CADM2: variants seen among roughly 807,000 people sequenced by gnomAD.
CADM2 encodes the protein immunoglobulin superfamily member 4D.
In CADM2, 12 loss-of-function variants were observed where a neutral mutation model predicts 49.8. The observed-to-expected ratio is 0.24, with a 90% confidence interval of 0.15 to 0.39. The LOEUF (loss-of-function observed/expected upper bound fraction) is 0.39. CADM2 is among the 10% of genes least tolerant of loss of function. The pLI is 1.00. For missense variants in CADM2, 378 were observed against 492.3 expected (o/e 0.77, Z 2.20); for synonymous variants, 214 against 175.4 (o/e 1.22, Z -1.74).
At position 86,066,332 on chromosome 3, in the gene CADM2, CAAAAAAA is replaced by C. The variant is rs10663610; in HGVS notation, c.1097-313_1097-307del. ...TGGGCGAGAGAGCGAGACTCCGTCT[CAAAAAAA>C]AAAAAAAAAAAAAAAAAAAGATCTT... On this transcript the variant is annotated intron_variant, in intron 9 of 9. Transcript: ENST00000383699. Among the ~76,000 whole-genome samples the C allele has an allele frequency of 2.5e-3, 75 of 30,358 alleles. 2 individuals are homozygous for C. Among genetic ancestry groups the C allele is most frequent in the African/African-American group, 0.015 (68 of 4,674 alleles). The allele number at this position is 30,358 out of a possible 152,430, so 19.9% of individuals were successfully genotyped here.
intron 7 of CADM2, among the ~76,000 whole-genome samples, chr3:85,940,603 G>T (rs1721772983): frequency 6.6e-6 from 1 of 152,030 alleles, no homozygotes; most frequent in Non-Finnish European, 1.5e-5. Context: ...TATAGCAGTT[G>T]TTATTACAGA....
At chr3:85,278,686 C>T (rs62250655) in intron 1 of CADM2, among the ~76,000 whole-genome samples, 2,204 of 147,936 alleles carry the variant, frequency 0.015, 28 homozygotes, top group Middle Eastern at 0.038. Context: ...TTTTCAGAGA[C>T]GGTGTATGAA....
chr3:86,033,482 G>A (rs1194040446), intron 8 of CADM2, among the ~76,000 whole-genome samples: 1 of 151,574 alleles, frequency 6.6e-6, no homozygotes, highest in Non-Finnish European at 1.5e-5. Context: ...TGTACAGTAG[G>A]TGGGTATGCA....
chr3:85,506,863 A>C (rs1303754856), intron 1 of CADM2, among the ~76,000 whole-genome samples: 1 of 152,230 alleles, frequency 6.6e-6, no homozygotes, highest in Non-Finnish European at 1.5e-5. Flanking sequence ...TTATCATTAT[A>C]GAATTAACTA....
intron 1 of CADM2, among the ~76,000 whole-genome samples, chr3:85,262,128 C>A (rs1243359848): frequency 6.6e-6 from 1 of 152,024 alleles, no homozygotes; most frequent in African/African-American, 2.4e-5. Flanking sequence ...CCTAAGGATG[C>A]ATTTGCTTTT....
At chr3:85,853,301 AAAC>A (rs923494623) in intron 3 of CADM2, among the ~76,000 whole-genome samples, 3 of 151,722 alleles carry the variant, frequency 2.0e-5, no homozygotes, top group East Asian at 2.0e-4. Context: ...GAAGCAACAA[AAAC>A]AACAACAACA....
chr3:85,270,900 A>G (rs1017323174), intron 1 of CADM2, among the ~76,000 whole-genome samples: 6 of 151,456 alleles, frequency 4.0e-5, no homozygotes, highest in African/African-American at 1.2e-4. Flanking sequence ...TATTTCTTCA[A>G]TGAGTATAAA....
chr3:85,449,565 T>A (rs1322702933), intron 1 of CADM2, among the ~76,000 whole-genome samples: 1 of 151,848 alleles, frequency 6.6e-6, no homozygotes, highest in Non-Finnish European at 1.5e-5. Flanking sequence ...TAAGGTTTTT[T>A]TTTTTCTGAG....
At chr3:85,042,736 T>C (rs2035491377) in intron 1 of CADM2, among the ~76,000 whole-genome samples, 1 of 152,120 alleles carries the variant, frequency 6.6e-6, no homozygotes, top group Non-Finnish European at 1.5e-5. Flanking sequence ...CAGTCTCAGG[T>C]CTCTTCCAAA....
chr3:85,381,868 G>T (rs1416120949), intron 1 of CADM2, among the ~76,000 whole-genome samples: 2 of 151,914 alleles, frequency 1.3e-5, no homozygotes, highest in Non-Finnish European at 2.9e-5. Context: ...TTGCTATAGA[G>T]TGCAGGACAC....
chr3:85,206,972 C>A (rs1013260744), intron 1 of CADM2, among the ~76,000 whole-genome samples: 1 of 151,776 alleles, frequency 6.6e-6, no homozygotes, highest in Admixed American at 6.6e-5. Flanking sequence ...TAACCTCCCC[C>A]CCTTCAAAAA....
intron 8 of CADM2, among the ~76,000 whole-genome samples, chr3:86,026,744 T>C (rs1733950521): frequency 3.9e-5 from 6 of 152,166 alleles, no homozygotes; most frequent in Admixed American, 3.3e-4. Context: ...AACCACTCCG[T>C]GTTGGTGTGA....
At chr3:85,187,410 A>G (rs79321616) in intron 1 of CADM2, among the ~76,000 whole-genome samples, 14,464 of 152,142 alleles carry the variant, frequency 0.095, 852 homozygotes, top group African/African-American at 0.16. Flanking sequence ...TCTGAATAAT[A>G]TCAACTCAGA....
chr3:85,692,739 CA>C (rs1335849570), intron 1 of CADM2, among the ~76,000 whole-genome samples: 3 of 152,182 alleles, frequency 2.0e-5, no homozygotes. Context: ...TTCTCTGTTT[CA>C]AAGACTAGAG....
intron 5 of CADM2, 112 bp from the exon 6 acceptor site, chr3:85,912,261 G>A (rs1717715625): frequency 1.5e-6 from 1 of 689,046 alleles, no homozygotes; most frequent in Non-Finnish European, 2.4e-6. Flanking sequence ...ACAAATATTT[G>A]CTTCTTAAAA....
chr3:86,010,085 G>A (rs888509235), intron 8 of CADM2, among the ~76,000 whole-genome samples: 4 of 151,822 alleles, frequency 2.6e-5, no homozygotes, highest in Non-Finnish European at 5.9e-5. Flanking sequence ...AAAGTAAATA[G>A]CAATGACGAA....
intron 1 of CADM2, among the ~76,000 whole-genome samples, chr3:85,359,666 A>ATTTTTTTTTTTT (rs869151718): frequency 1.9e-4 from 5 of 26,550 alleles, no homozygotes; most frequent in South Asian, 1.4e-3. Flanking sequence ...ATATATATAT[A>ATTTTTTTTTTTT]TTTTTTTTTT....
rs183112722 is a variant in CADM2, at chr3:86,004,010, G to A, written c.970+42363G>A. Among the ~76,000 whole-genome samples, 366 of 152,096 alleles carry A rather than the reference G, an allele frequency of 2.4e-3. 1 individual carries two copies. The highest frequency in any genetic ancestry group is 2.5e-3 in the Non-Finnish European group (171 of 67,984). Reference sequence around the variant, plus strand: ...GAGCCAATGGCTCCAAATAAAGTCTGGGCCACATGCAGACCATGGATCCTT... The same window carrying A: ...GAGCCAATGGCTCCAAATAAAGTCTAGGCCACATGCAGACCATGGATCCTT... On this transcript the variant is annotated intron_variant, in intron 8 of 9. Coordinates refer to ENST00000383699, the MANE Select transcript of CADM2 (RefSeq NM_001167675.2).
intron 8 of CADM2, among the ~76,000 whole-genome samples, chr3:86,062,461 C>G (rs1445833728): frequency 6.6e-6 from 1 of 152,004 alleles, no homozygotes; most frequent in Non-Finnish European, 1.5e-5. Context: ...CCCCTCACCC[C>G]GACCCGCAAC....
Sources: allele counts gnomAD v4.1 joint callset (sites outside exome capture counted in the v4.1 genomes callset), GRCh38; gene constraint gnomAD v4.1.1; transcripts MANE v1.5; gene names NCBI Gene and HGNC (gene_info 2026-07-23, HGNC 2026-07-21).